The following EPHA6 variants were observed in gnomAD, a reference collection of about 807,000 sequenced individuals.
EPHA6 encodes ephrin type-A receptor 6.
In EPHA6, 50 loss-of-function variants were observed where a neutral mutation model predicts 112.0. The observed-to-expected ratio is 0.45, with a 90% CI of 0.36 to 0.56. The LOEUF is 0.56. Ranked by LOEUF, EPHA6 falls within the 20% of genes least tolerant of loss-of-function variation. The pLI is 0.00. For missense variants in EPHA6, 1,280 were observed against 1,417.4 expected (o/e 0.90, Z 1.56); for synonymous variants, 529 against 490.7 (o/e 1.08, Z -1.03).
At chr3:96,849,344 T>C (rs922008347) in intron 1 of EPHA6, among the ~76,000 whole-genome samples, 1 of 152,130 alleles carries the variant, frequency 6.6e-6, no homozygotes, top group Non-Finnish European at 1.5e-5. Flanking sequence ...GATGGGACTC[T>C]TATAAAATCA....
At chr3:96,884,200 G>A (rs992163612) in intron 2 of EPHA6, among the ~76,000 whole-genome samples, 2 of 151,938 alleles carry the variant, frequency 1.3e-5, no homozygotes, top group Admixed American at 1.3e-4. Flanking sequence ...TTGGCTATGT[G>A]CGCTCTTTTT....
At chr3:96,919,022 A>G (rs548741037) in intron 2 of EPHA6, among the ~76,000 whole-genome samples, 14 of 152,084 alleles carry the variant, frequency 9.2e-5, no homozygotes, top group African/African-American at 3.1e-4. Flanking sequence ...AGTTAAGCAT[A>G]TGCTGTCACA....
chr3:97,204,246 C>G (rs1395713575), intron 3 of EPHA6, among the ~76,000 whole-genome samples: 1 of 152,008 alleles, frequency 6.6e-6, no homozygotes, highest in Non-Finnish European at 1.5e-5. Context: ...TTCCTATGTA[C>G]TAGGCTCCAG....
At chr3:97,368,675 T>C (rs1408657325) in intron 5 of EPHA6, among the ~76,000 whole-genome samples, 1 of 152,182 alleles carries the variant, frequency 6.6e-6, no homozygotes, top group East Asian at 1.9e-4. Flanking sequence ...CTTTTTGAAA[T>C]TCCAAATTCA....
chr3:97,319,504 C>T (rs1212901519), intron 5 of EPHA6, among the ~76,000 whole-genome samples: 1 of 150,954 alleles, frequency 6.6e-6, no homozygotes, highest in East Asian at 2.0e-4. Context: ...CCCATCTCTA[C>T]TAAAAATGCA....
intron 2 of EPHA6, among the ~76,000 whole-genome samples, chr3:96,979,445 T>A (rs1220319391): frequency 6.6e-6 from 1 of 152,176 alleles, no homozygotes; most frequent in South Asian, 2.1e-4. Flanking sequence ...TAATCCAGTC[T>A]ATCATTGATG....
chr3:97,331,278 T>G (rs1181927381), intron 5 of EPHA6, among the ~76,000 whole-genome samples: 2 of 152,042 alleles, frequency 1.3e-5, no homozygotes, highest in African/African-American at 4.8e-5. Context: ...TAGCACTAAA[T>G]GCCCACAAGA....
intron 5 of EPHA6, among the ~76,000 whole-genome samples, chr3:97,331,828 A>G (rs2082814117): frequency 6.6e-6 from 1 of 152,210 alleles, no homozygotes. Flanking sequence ...TACCAGAGGT[A>G]CAAGGAGGAG....
intron 2 of EPHA6, among the ~76,000 whole-genome samples, chr3:96,924,780 T>C (rs1026872097): frequency 5.9e-5 from 9 of 152,260 alleles, no homozygotes; most frequent in African/African-American, 2.2e-4. Flanking sequence ...GCTTGTCATA[T>C]ATGGCTCTTA....
At chr3:97,191,942 C>A (rs973205012) in intron 3 of EPHA6, among the ~76,000 whole-genome samples, 15 of 152,096 alleles carry the variant, frequency 9.9e-5, no homozygotes, top group African/African-American at 3.4e-4. Flanking sequence ...AATTTACATT[C>A]CTGCAAGAGC....
intron 16 of EPHA6, chr3:97,745,295 A>G (rs1044902573): frequency 5.5e-5 from 23 of 420,300 alleles, no homozygotes; most frequent in Non-Finnish European, 9.4e-5. Flanking sequence ...CAACAATTCA[A>G]GTATTTGTTG....
At chr3:97,607,200 A>C (rs1294147890) in intron 12 of EPHA6, among the ~76,000 whole-genome samples, 1 of 149,204 alleles carries the variant, frequency 6.7e-6, no homozygotes, top group South Asian at 2.1e-4. Context: ...AAAAAAAAAA[A>C]CACAAAAAGA....
At chr3:97,252,661 G>A (rs2079177143) in intron 5 of EPHA6, among the ~76,000 whole-genome samples, 1 of 152,178 alleles carries the variant, frequency 6.6e-6, no homozygotes, top group Non-Finnish European at 1.5e-5. Context: ...GGGGGAGTGT[G>A]CCAGGGAGAA....
intron 3 of EPHA6, among the ~76,000 whole-genome samples, chr3:97,020,214 T>G (rs936407196): frequency 1.3e-5 from 2 of 152,206 alleles, no homozygotes; most frequent in Non-Finnish European, 2.9e-5. Context: ...ATCCACAGAC[T>G]GAAGCAGTTT....
intron 11 of EPHA6, among the ~76,000 whole-genome samples, chr3:97,569,497 G>T (rs948919544): frequency 3.9e-5 from 6 of 152,002 alleles, no homozygotes; most frequent in Admixed American, 2.6e-4. Context: ...TACTTATTTA[G>T]GTGACTTTGG....
chr3:97,381,968 T>C (rs2085766902), intron 5 of EPHA6, among the ~76,000 whole-genome samples: 1 of 152,114 alleles, frequency 6.6e-6, no homozygotes. Flanking sequence ...TACTTTATTG[T>C]TCTTATTTTC....
At chr3:97,747,708 C>A in intron 17 of EPHA6, 136 bp downstream of exon 17, 3 of 676,522 alleles carry the variant, frequency 4.4e-6, no homozygotes, top group Non-Finnish European at 4.3e-6. Context: ...GACTATCATT[C>A]TAGTGGAAGT....
intron 14 of EPHA6, among the ~76,000 whole-genome samples, chr3:97,668,377 G>T (rs1424588893): frequency 6.6e-6 from 1 of 152,144 alleles, no homozygotes; most frequent in African/African-American, 2.4e-5. Context: ...CCAGTGCCAA[G>T]ATTCTGTAGA....
At chr3:97,058,579 G>A (rs144591239) in intron 3 of EPHA6, among the ~76,000 whole-genome samples, 1 of 152,158 alleles carries the variant, frequency 6.6e-6, no homozygotes, top group South Asian at 2.1e-4. Context: ...TGGGATTACA[G>A]GTGTGAGCCA....
Sources: allele counts gnomAD v4.1 joint callset (sites outside exome capture counted in the v4.1 genomes callset), GRCh38; gene constraint gnomAD v4.1.1; transcripts MANE v1.5; gene names NCBI Gene and HGNC (gene_info 2026-07-23, HGNC 2026-07-21).